CTNNA3: variants seen among roughly 807,000 people sequenced by gnomAD.
CTNNA3 encodes catenin alpha-3.
CTNNA3 carries 76 observed loss-of-function variants against 95.7 expected under a neutral mutation model. That is an observed-to-expected ratio of 0.79 (90% CI 0.66 to 0.96). The LOEUF (loss-of-function observed/expected upper bound fraction) is 0.96, where lower values mean the gene tolerates loss of function less well. Ranked by LOEUF, CTNNA3 falls within the 40% of genes least tolerant of loss-of-function variation. The pLI, the probability that CTNNA3 is intolerant of heterozygous loss-of-function variation, is 0.00. For synonymous variants in CTNNA3, 431 were observed against 374.4 expected (o/e 1.15, Z -1.74); for missense variants, 1,191 against 1,089.8 (o/e 1.09, Z -1.31).
At chr10:67,170,625 A>G (rs1024768538) in intron 7 of CTNNA3, among the ~76,000 whole-genome samples, 1 of 152,178 alleles carries the variant, frequency 6.6e-6, no homozygotes, top group African/African-American at 2.4e-5. Context: ...TTGAGGGTGG[A>G]GGGTGGGAAA....
chr10:66,778,040 C>T (rs552609954), intron 7 of CTNNA3, among the ~76,000 whole-genome samples: 1 of 152,088 alleles, frequency 6.6e-6, no homozygotes, highest in Non-Finnish European at 1.5e-5. Context: ...AGAGCTTAAC[C>T]CTAGTTTAAA....
chr10:66,133,671 A>G (rs2083228182), intron 13 of CTNNA3, among the ~76,000 whole-genome samples: 1 of 152,198 alleles, frequency 6.6e-6, no homozygotes. Context: ...AAATCAGTCT[A>G]TACTGGTTCT....
chr10:66,267,319 T>C (rs550361847), intron 13 of CTNNA3, among the ~76,000 whole-genome samples: 24 of 152,242 alleles, frequency 1.6e-4, no homozygotes, highest in Non-Finnish European at 3.4e-4. Flanking sequence ...TTGACCTCCG[T>C]ATCCTTGCAA....
chr10:67,307,164 G>A (rs139747193), intron 5 of CTNNA3, among the ~76,000 whole-genome samples: 1 of 152,000 alleles, frequency 6.6e-6, no homozygotes, highest in Non-Finnish European at 1.5e-5. Context: ...TCCTCATCAG[G>A]AAAGTATGGA....
chr10:67,018,302 C>T (rs1198423566), intron 7 of CTNNA3, among the ~76,000 whole-genome samples: 2 of 152,120 alleles, frequency 1.3e-5, no homozygotes, highest in African/African-American at 2.4e-5. Flanking sequence ...GTTTACTCTT[C>T]GCTTTCACCC....
intron 3 of CTNNA3, among the ~76,000 whole-genome samples, chr10:67,555,226 T>G: frequency 6.6e-6 from 1 of 152,226 alleles, no homozygotes; most frequent in East Asian, 1.9e-4. Flanking sequence ...AGGATTGTCT[T>G]GGCAATGCGG....
intron 15 of CTNNA3, among the ~76,000 whole-genome samples, chr10:66,022,587 G>A (rs372705634): frequency 2.9e-4 from 43 of 149,596 alleles, no homozygotes; most frequent in African/African-American, 1.1e-3. Context: ...TGACACCCAG[G>A]ATATGCACAT....
chr10:67,085,470 A>G (rs1857253249), intron 7 of CTNNA3, among the ~76,000 whole-genome samples: 1 of 151,958 alleles, frequency 6.6e-6, no homozygotes, highest in Non-Finnish European at 1.5e-5. Flanking sequence ...TCACCCTCCA[A>G]TATTACCTCC....
rs1322336970 is a variant in CTNNA3, at chr10:67,451,917, A to G, written c.579+69925T>C. 2.0e-5 allele frequency among the ~76,000 whole-genome samples: 3 copies of G among 152,126 alleles called. No individual in the cohort carries two copies. In the East Asian group the frequency reaches 5.8e-4, roughly 29 times the overall value. On this transcript the variant is annotated intron_variant, in intron 5 of 17. Coordinates refer to ENST00000433211, the MANE Select transcript of CTNNA3 (RefSeq NM_013266.4). The stretch of plus-strand genomic sequence containing the variant: ...TTTTTCTTTTATATACACTATCCAA[A>G]CAGGTTAAGTAATCCCATACACAAT...
At chr10:66,089,072 T>C (rs1298625074) in intron 14 of CTNNA3, among the ~76,000 whole-genome samples, 1 of 152,044 alleles carries the variant, frequency 6.6e-6, no homozygotes, top group Non-Finnish European at 1.5e-5. Context: ...CTTTTTTATT[T>C]TGTATTCTCA....
At chr10:66,429,084 C>T (rs981823832) in intron 11 of CTNNA3, among the ~76,000 whole-genome samples, 1 of 151,710 alleles carries the variant, frequency 6.6e-6, no homozygotes, top group Non-Finnish European at 1.5e-5. Flanking sequence ...CACCACCGAT[C>T]CCACAGAAAT....
intron 11 of CTNNA3, among the ~76,000 whole-genome samples, chr10:66,387,538 G>T (rs149988394): frequency 6.6e-6 from 1 of 152,092 alleles, no homozygotes; most frequent in Non-Finnish European, 1.5e-5. Flanking sequence ...ATATTGTGGC[G>T]ATTCCTCAAG....
chr10:67,202,725 T>C (rs1863704593), intron 6 of CTNNA3, among the ~76,000 whole-genome samples: 1 of 152,114 alleles, frequency 6.6e-6, no homozygotes, highest in African/African-American at 2.4e-5. Flanking sequence ...CCGATCATGC[T>C]AGACAGAAAG....
At chr10:67,584,207 C>A (rs1162771394) in intron 3 of CTNNA3, among the ~76,000 whole-genome samples, 2 of 152,058 alleles carry the variant, frequency 1.3e-5, no homozygotes, top group Non-Finnish European at 2.9e-5. Context: ...TTTTATCTAC[C>A]TTTGGTCTTT....
At chr10:66,482,112 C>A (rs896067086) in intron 11 of CTNNA3, among the ~76,000 whole-genome samples, 1 of 152,108 alleles carries the variant, frequency 6.6e-6, no homozygotes, top group Non-Finnish European at 1.5e-5. Flanking sequence ...TTTGAAAGAA[C>A]TTCAAAATGC....
intron 9 of CTNNA3, among the ~76,000 whole-genome samples, chr10:66,748,937 C>T (rs568565070): frequency 1.3e-5 from 2 of 151,926 alleles, no homozygotes; most frequent in African/African-American, 2.4e-5. Context: ...CTTTGGGAGG[C>T]CAAGGCGGGC....
intron 17 of CTNNA3, among the ~76,000 whole-genome samples, chr10:65,933,066 T>G (rs2077279487): frequency 6.6e-6 from 1 of 152,130 alleles, no homozygotes; most frequent in African/African-American, 2.4e-5. Context: ...GCTTTCCACT[T>G]TAGATTCCCT....
chr10:67,647,941 C>T (rs57623587), intron 1 of CTNNA3, among the ~76,000 whole-genome samples: 18,556 of 152,124 alleles, frequency 0.12, 2,097 homozygotes, highest in East Asian at 0.43. Flanking sequence ...AGACAAGGAA[C>T]AAGTAAACCT....
chr10:67,705,095 T>C (rs1270029951), intron 1 of CTNNA3, among the ~76,000 whole-genome samples: 2 of 152,098 alleles, frequency 1.3e-5, no homozygotes, highest in African/African-American at 4.8e-5. Context: ...CTCACACCAG[T>C]TAGAATGGTG....
Sources: allele counts gnomAD v4.1 joint callset (sites outside exome capture counted in the v4.1 genomes callset), GRCh38; gene constraint gnomAD v4.1.1; transcripts MANE v1.5; gene names NCBI Gene and HGNC (gene_info 2026-07-23, HGNC 2026-07-21).